The following OTOGL variants were observed in gnomAD, a reference collection of about 807,000 sequenced individuals.
OTOGL encodes otogelin-like protein.
A neutral mutation model predicts 318.5 loss-of-function variants in OTOGL; 285 were observed. The ratio of observed to expected loss-of-function variants is 0.89; its 90% CI spans 0.81 to 0.99. The LOEUF (loss-of-function observed/expected upper bound fraction) is 0.99. OTOGL is among the 50% of genes least tolerant of loss of function. The probability of loss-of-function intolerance (pLI) is 0.00; values close to 1 mark genes in which losing one functional copy is unlikely to be tolerated. For synonymous variants in OTOGL, 987 were observed against 936.5 expected, an observed-to-expected ratio of 1.05 and a Z score of -0.99; for missense variants, 2,899 against 2,845.6, an observed-to-expected ratio of 1.02 and a Z score of -0.43.
At chr12:80,147,664 C>T (rs1053849158) in intron 1 of OTOGL, among the ~76,000 whole-genome samples, 8 of 152,090 alleles carry the variant, frequency 5.3e-5, no homozygotes, top group Non-Finnish European at 1.0e-4. Context: ...GTGTTAAAGT[C>T]TCCCATTGTT....
At chr12:80,349,234 A>G (rs1889390899) in intron 44 of OTOGL, among the ~76,000 whole-genome samples, 2 of 152,210 alleles carry the variant, frequency 1.3e-5, no homozygotes, top group African/African-American at 4.8e-5. Flanking sequence ...TTATTAGTAT[A>G]TGGATTTTTA....
intron 1 of OTOGL, among the ~76,000 whole-genome samples, chr12:80,105,993 A>C (rs1869432058): frequency 6.6e-6 from 1 of 152,220 alleles, no homozygotes; most frequent in African/African-American, 2.4e-5. Context: ...TTCAGATTTA[A>C]TTGTGAGACC....
chr12:80,241,899 A>T lies in OTOGL; in HGVS notation c.1052+2460A>T, dbSNP rs537001626. Reference sequence around the variant, plus strand: ...TATTATTTTCAATTTCATGGCCCAAACTGCATCACCACTATCATGTCCACA... The same window carrying T: ...TATTATTTTCAATTTCATGGCCCAATCTGCATCACCACTATCATGTCCACA... On this transcript the variant is annotated intron_variant, in intron 11 of 58. Transcript: ENST00000547103. Among the ~76,000 whole-genome samples the T allele has an allele frequency of 1.2e-4, 19 of 152,156 alleles. 1 individual carries two copies. Among genetic ancestry groups the T allele is most frequent in the South Asian group, 1.0e-3 (5 of 4,818 alleles).
chr12:80,161,215 C>T (rs1873494711), intron 1 of OTOGL, among the ~76,000 whole-genome samples: 1 of 151,384 alleles, frequency 6.6e-6, no homozygotes, highest in Non-Finnish European at 1.5e-5. Flanking sequence ...CCACTTGTTC[C>T]CCCAAAACCT....
intron 1 of OTOGL, among the ~76,000 whole-genome samples, chr12:80,155,121 T>C (rs1461507881): frequency 6.6e-6 from 1 of 152,224 alleles, no homozygotes; most frequent in Non-Finnish European, 1.5e-5. Flanking sequence ...GCATTTATAA[T>C]TGAGTTGTTT....
At chr12:80,264,675 A>G (rs986677161) in intron 19 of OTOGL, among the ~76,000 whole-genome samples, 2 of 152,092 alleles carry the variant, frequency 1.3e-5, no homozygotes, top group Admixed American at 6.5e-5. Context: ...TAAGCCTCCC[A>G]ATACTCTCCA....
chr12:80,359,405 G>A (rs550401881), intron 52 of OTOGL, among the ~76,000 whole-genome samples: 24 of 152,244 alleles, frequency 1.6e-4, no homozygotes, highest in African/African-American at 4.1e-4. Flanking sequence ...AATGTATCCC[G>A]TGGTACTTTA....
chr12:80,220,991 C>A (rs1878266885), intron 6 of OTOGL, among the ~76,000 whole-genome samples: 1 of 152,012 alleles, frequency 6.6e-6, no homozygotes, highest in South Asian at 2.1e-4. Context: ...GTGGGAATCA[C>A]AAAAATACAA....
intron 11 of OTOGL, among the ~76,000 whole-genome samples, chr12:80,244,756 T>C (rs1351604469): frequency 6.8e-6 from 1 of 148,022 alleles, no homozygotes; most frequent in Non-Finnish European, 1.5e-5. Flanking sequence ...ACTTCCACAA[T>C]GGTTGAACTA....
At chr12:80,332,857 ATAC>A in intron 37 of OTOGL, 145 bp from the exon 38 acceptor site, 3 of 618,670 alleles carry the variant, frequency 4.8e-6, no homozygotes, top group Non-Finnish European at 8.2e-6. Flanking sequence ...TAAAATGTCG[ATAC>A]TATTATTACC....
At chr12:80,288,830 G>T (rs572596054) in intron 26 of OTOGL, among the ~76,000 whole-genome samples, 73 of 151,846 alleles carry the variant, frequency 4.8e-4, no homozygotes, top group Non-Finnish European at 9.4e-4. Context: ...TCTTTGCATT[G>T]ATTGGGTTAG....
chr12:80,253,660 C>A (rs1038468206), intron 14 of OTOGL, 86 bp downstream of exon 14: 1 of 1,031,374 alleles, frequency 9.7e-7, no homozygotes, highest in East Asian at 2.5e-5. Context: ...GGAATATACT[C>A]ATTACTAATT....
Position 80,262,052 on chromosome 12 carries a change from A to G in OTOGL, c.1973A>G (p.His658Arg), listed in dbSNP as rs79711087. 1.2e-6 allele frequency: 2 copies of G among 1,612,960 alleles called. No individual in the cohort carries two copies. The highest frequency in any genetic ancestry group is 1.1e-5 in the South Asian group (1 of 91,010). ...RVSSTCFAPV[H>R]VPVVDPCNIN... The stretch of plus-strand genomic sequence containing the variant: ...TCTTCTACCTGTTTTGCACCTGTTC[A>G]TGTCCCAGTGGTGGACCCCTGTAAC... Residue 658 changes from histidine (H) to arginine (R), a missense_variant, in exon 19 of 59, where the codon CAT becomes CGT. His to Arg is a conservative substitution (Grantham distance 29). Around this residue, in one of 3 missense-constraint regions of OTOGL, gnomAD observed 2,607 missense variants for 2,524.9 expected, o/e 1.03. Coordinates refer to ENST00000547103, the MANE Select transcript of OTOGL (RefSeq NM_001378609.3).
chr12:80,145,727 A>G (rs1872307843), intron 1 of OTOGL, among the ~76,000 whole-genome samples: 1 of 151,892 alleles, frequency 6.6e-6, no homozygotes, highest in South Asian at 2.1e-4. Flanking sequence ...ATCCTCTTTT[A>G]TTTCATTGAG....
intron 1 of OTOGL, among the ~76,000 whole-genome samples, chr12:80,106,175 G>A (rs890347793): frequency 5.9e-5 from 9 of 152,166 alleles, no homozygotes; most frequent in South Asian, 2.1e-4. Context: ...GTATTTGTGC[G>A]TGGACACATT....
intron 7 of OTOGL, among the ~76,000 whole-genome samples, chr12:80,224,148 C>T (rs2137366612): frequency 6.6e-6 from 1 of 152,222 alleles, no homozygotes; most frequent in Admixed American, 6.5e-5. Context: ...CTGCATGTGG[C>T]TAGCCAATTA....
At position 80,352,403 on chromosome 12, in the gene OTOGL, A is replaced by G; in HGVS notation, c.5374A>G (p.Ile1792Val). The stretch of plus-strand genomic sequence containing the variant: ...TGTGGCTCTGTGCAACAAGTTTGAT[A>G]TCTGTATTCAGTGGAGAACACCTGA... ...AYVALCNKFD[I>V]CIQWRTPDYC... The change falls in exon 45 of 59, where the codon ATC becomes GTC. Residue 1792 changes from isoleucine to valine, a missense_variant. Transcript: ENST00000547103. 6.2e-7 allele frequency: 1 copy of G among 1,611,670 alleles called. No individual in the cohort carries two copies. The highest frequency in any genetic ancestry group is 8.5e-7 in the Non-Finnish European group (1 of 1,178,684).
chr12:80,301,382 A>T (rs951232932), intron 27 of OTOGL, among the ~76,000 whole-genome samples: 1 of 152,192 alleles, frequency 6.6e-6, no homozygotes, highest in East Asian at 1.9e-4. Flanking sequence ...ATCTTCTTTT[A>T]CTATACAACC....
intron 57 of OTOGL, among the ~76,000 whole-genome samples, chr12:80,373,200 A>G (rs1890986066): frequency 6.6e-6 from 1 of 152,092 alleles, no homozygotes; most frequent in Non-Finnish European, 1.5e-5. Flanking sequence ...TTGGGAGGCC[A>G]AGTTGGGTGG....
Sources: allele counts gnomAD v4.1 joint callset (sites outside exome capture counted in the v4.1 genomes callset), GRCh38; gene constraint gnomAD v4.1.1; regional missense constraint gnomAD v4.1.1; transcripts MANE v1.5; gene names NCBI Gene and HGNC (gene_info 2026-07-23, HGNC 2026-07-21).